The following EFCAB8 variants were observed in gnomAD, a reference collection of about 807,000 sequenced individuals.
EFCAB8 encodes the protein EF-hand calcium binding domain 8, also known as EF-hand calcium-binding domain-containing protein 8.
Under a neutral mutation model 116.3 loss-of-function variants are expected in EFCAB8, and 100 were observed. The ratio of observed to expected loss-of-function variants is 0.86; its 90% CI spans 0.73 to 1.02. The LOEUF (loss-of-function observed/expected upper bound fraction) is 1.02. EFCAB8 is among the 50% of genes least tolerant of loss of function. The pLI is 0.00. For synonymous variants in EFCAB8, 558 were observed against 567.9 expected (o/e 0.98, Z 0.25); for missense variants, 1,320 against 1,416.9 (o/e 0.93, Z 1.10).
chr20:32,910,675 A>C (rs552522644), intron 15 of EFCAB8, among the ~76,000 whole-genome samples: 1 of 151,860 alleles, frequency 6.6e-6, no homozygotes, highest in East Asian at 1.9e-4. Context: ...AATTTAAAAA[A>C]ATTATCAACT....
chr20:32,859,136 C>G (rs1600347125), intron 1 of EFCAB8, 130 bp downstream of exon 1: 1 of 430,224 alleles, frequency 2.3e-6, no homozygotes, highest in East Asian at 7.3e-5. Context: ...TGCATGTATC[C>G]TTAAGTCATC....
At chr20:32,927,700 G>A (rs1987728235) in intron 20 of EFCAB8, among the ~76,000 whole-genome samples, 1 of 152,126 alleles carries the variant, frequency 6.6e-6, no homozygotes, top group South Asian at 2.1e-4. Context: ...TTTTGTAGGT[G>A]ATTTTAATTT....
chr20:32,908,468 CTGA>C (rs1986779869), intron 14 of EFCAB8, 56 bp downstream of exon 14: 1 of 1,248,704 alleles, frequency 8.0e-7, no homozygotes. Flanking sequence ...GGGCCAGGGT[CTGA>C]ATCCCATGGG....
rs532140099 is a variant in EFCAB8 at position 32,891,366 on chromosome 20, C to T, written c.674-847C>T. ...TCAGGTGTCTGGGATTACAGGTGCG[C>T]GCTACCACACCCAGCAAATTTTTGT... On this transcript the variant is annotated intron_variant, in intron 7 of 26. Coordinates refer to ENST00000400522, the MANE Select transcript of EFCAB8 (RefSeq NM_001143967.2). 1.1e-4 allele frequency among the ~76,000 whole-genome samples: 17 copies of T among 152,174 alleles called. No individual in the cohort carries two copies. The East Asian group carries it at 2.1e-3, about 19-fold the overall frequency.
rs1431692079 is a variant in EFCAB8 at position 32,908,168 on chromosome 20, G to A, written c.1309-107G>A. 7 of 1,086,334 alleles carry A rather than the reference G, an allele frequency of 6.4e-6. No homozygotes were observed. In the East Asian group the frequency reaches 9.7e-5, roughly 15 times the overall value. 67.3% of individuals were successfully genotyped at this position (1,086,334 alleles called of 1,614,324 possible). On this transcript the variant is annotated intron_variant, in intron 13 of 26. Transcript: ENST00000400522. Reference sequence around the variant, plus strand: ...GTGTGTGTGTTAGAAGTGCTTGGACGGACGATGTGCCCTGGCCTTGTTCGC... The same window carrying A: ...GTGTGTGTGTTAGAAGTGCTTGGACAGACGATGTGCCCTGGCCTTGTTCGC...
At chr20:32,945,783 C>T (rs1381130821) in intron 23 of EFCAB8, among the ~76,000 whole-genome samples, 1 of 152,108 alleles carries the variant, frequency 6.6e-6, no homozygotes, top group Non-Finnish European at 1.5e-5. Flanking sequence ...ATTCTGGGTG[C>T]CTCCCCAATC....
At chr20:32,910,831 G>A (rs553903205) in intron 15 of EFCAB8, among the ~76,000 whole-genome samples, 18 of 143,132 alleles carry the variant, frequency 1.3e-4, no homozygotes, top group African/African-American at 4.8e-4. Context: ...TCTGCCTTCC[G>A]GGTTCAAGCG....
At chr20:32,939,999 G>GCCTCCCTCCCTCCCTCCCTC (rs1173361139) in intron 22 of EFCAB8, among the ~76,000 whole-genome samples, 6 of 63,496 alleles carry the variant, frequency 9.4e-5, no homozygotes, top group African/African-American at 2.2e-4. Context: ...CTGCCTGCCT[G>GCCTCCCTCCCTCCCTCCCTC]CCTGCCTCCC....
rs56350771 is a variant in EFCAB8, at chr20:32,950,022, C to A, written c.2959+6218C>A. Among the ~76,000 whole-genome samples, 498 of 56,154 alleles carry A rather than the reference C, an allele frequency of 8.9e-3. 1 individual carries two copies. Among genetic ancestry groups the A allele is most frequent in the African/African-American group, 0.053 (480 of 9,056 alleles). The allele number at this position is 56,154 out of a possible 152,430, so 36.8% of individuals were successfully genotyped here. On this transcript the variant is annotated intron_variant, in intron 23 of 26. Coordinates refer to ENST00000400522, the MANE Select transcript of EFCAB8 (RefSeq NM_001143967.2). ...CTCAAAAACAAACAAAACAACAAAA[C>A]AACAACAACAACAACAAAAATGGAA...
At chr20:32,945,424 G>A (rs1988562076) in intron 23 of EFCAB8, among the ~76,000 whole-genome samples, 1 of 152,122 alleles carries the variant, frequency 6.6e-6, no homozygotes, top group Admixed American at 6.5e-5. Flanking sequence ...CCAAAGTGTT[G>A]GGATTATAGG....
At chr20:32,893,407 C>T in intron 9 of EFCAB8, 109 bp downstream of exon 9, 1 of 1,458,006 alleles carries the variant, frequency 6.9e-7, no homozygotes, top group East Asian at 2.5e-5. Context: ...GCTCTGGAGT[C>T]TCTGGGAAGG....
intron 20 of EFCAB8, among the ~76,000 whole-genome samples, chr20:32,921,433 C>T (rs1298600602): frequency 4.6e-5 from 7 of 151,480 alleles, no homozygotes; most frequent in Non-Finnish European, 1.0e-4. Flanking sequence ...CCATGCTGGT[C>T]TCGAACTCCT....
chr20:32,954,732 T>C (rs2146303184), intron 23 of EFCAB8, among the ~76,000 whole-genome samples: 1 of 152,262 alleles, frequency 6.6e-6, no homozygotes, highest in Non-Finnish European at 1.5e-5. Context: ...GCCAAGAGAG[T>C]TAAAAAAAAT....
rs367688013 is a variant in EFCAB8, at chr20:32,961,660, C to T, written c.*51C>T. 1.3e-5 allele frequency: 14 copies of T among 1,113,790 alleles called. No homozygotes were observed. Among genetic ancestry groups the T allele is most frequent in the African/African-American group, 7.9e-5 (5 of 62,990 alleles). 69.0% of individuals were successfully genotyped at this position (1,113,790 alleles called of 1,614,324 possible). On this transcript the variant is annotated 3_prime_UTR_variant, in exon 27 of 27. Coordinates refer to ENST00000400522, the MANE Select transcript of EFCAB8 (RefSeq NM_001143967.2). Reference sequence around the variant, plus strand: ...TCCAGCAGGGCAACCAGGCCCATGGCGGTCCTGCATGTTCTCGGCTTATTC... The same window carrying T: ...TCCAGCAGGGCAACCAGGCCCATGGTGGTCCTGCATGTTCTCGGCTTATTC...
At chr20:32,928,055 C>T (rs1987741585) in intron 20 of EFCAB8, among the ~76,000 whole-genome samples, 1 of 152,152 alleles carries the variant, frequency 6.6e-6, no homozygotes, top group African/African-American at 2.4e-5. Flanking sequence ...GACTATTCTA[C>T]CTCATGCAAG....
At position 32,893,131 on chromosome 20, in the gene EFCAB8, G is replaced by A. The variant is rs759590456; in HGVS notation, c.759-43G>A. On this transcript the variant is annotated intron_variant, in intron 8 of 26. Coordinates refer to ENST00000400522, the MANE Select transcript of EFCAB8 (RefSeq NM_001143967.2). ...GCTGGTCTTACAGGTGTGAGCCACC[G>A]CGCCCAGCCCACACAACCTCTTCCG... 4.8e-5 allele frequency: 74 copies of A among 1,550,122 alleles called. No individual in the cohort carries two copies. In the South Asian group the frequency reaches 5.2e-4, roughly 11 times the overall value.
At chr20:32,907,103 G>A (rs1033634775) in intron 13 of EFCAB8, 109 bp downstream of exon 13, 15 of 1,429,946 alleles carry the variant, frequency 1.0e-5, no homozygotes, top group Non-Finnish European at 1.4e-5. Context: ...CAAAGGCCTA[G>A]CAGGAGGGGC....
intron 24 of EFCAB8, among the ~76,000 whole-genome samples, chr20:32,959,362 T>C (rs1192673770): frequency 1.3e-5 from 2 of 152,206 alleles, no homozygotes; most frequent in African/African-American, 2.4e-5. Context: ...TAGGAGTCTG[T>C]CAGGCATCCA....
intron 23 of EFCAB8, among the ~76,000 whole-genome samples, chr20:32,947,303 A>G (rs188988577): frequency 1.3e-4 from 20 of 152,366 alleles, no homozygotes; most frequent in Non-Finnish European, 1.5e-5. Flanking sequence ...AATTTATAAA[A>G]CAACTATACA....
Sources: allele counts gnomAD v4.1 joint callset (sites outside exome capture counted in the v4.1 genomes callset), GRCh38; gene constraint gnomAD v4.1.1; transcripts MANE v1.5; gene names NCBI Gene and HGNC (gene_info 2026-07-23, HGNC 2026-07-21).